The following PDE1C variants were observed in gnomAD, a reference collection of about 807,000 sequenced individuals.
PDE1C encodes the protein phosphodiesterase 1C.
A neutral mutation model predicts 93.1 loss-of-function variants in PDE1C; 62 were observed. That is an observed-to-expected ratio of 0.67 (90% CI 0.54 to 0.82). The LOEUF (loss-of-function observed/expected upper bound fraction) is 0.82. PDE1C is among the 40% of genes least tolerant of loss of function. PDE1C has a pLI of 0.00. For missense variants in PDE1C, 742 were observed against 884.6 expected (o/e 0.84, Z 2.04); for synonymous variants, 325 against 310.1 (o/e 1.05, Z -0.50).
chr7:32,194,759 T>C (rs1232458501), intron 2 of PDE1C, among the ~76,000 whole-genome samples: 1 of 152,226 alleles, frequency 6.6e-6, no homozygotes, highest in Non-Finnish European at 1.5e-5. Flanking sequence ...ATTTAGACCA[T>C]TTACATTTAA....
chr7:32,332,251 A>G (rs1043674065), intron 1 of PDE1C, among the ~76,000 whole-genome samples: 4 of 152,176 alleles, frequency 2.6e-5, no homozygotes, highest in African/African-American at 9.7e-5. Context: ...AAAAAATAAA[A>G]ATCAATTGCC....
intron 2 of PDE1C, among the ~76,000 whole-genome samples, chr7:31,916,176 T>C (rs1391230981): frequency 3.9e-5 from 6 of 152,144 alleles, no homozygotes; most frequent in African/African-American, 1.4e-4. Context: ...GGGGGTATCA[T>C]GTACTGAACC....
At chr7:32,300,801 T>C (rs1231786147), upstream of PDE1C, among the ~76,000 whole-genome samples, 1 of 152,188 alleles carries the variant, frequency 6.6e-6, no homozygotes, top group Admixed American at 6.5e-5. Flanking sequence ...ACATTTTATA[T>C]ATAATATATT....
intron 1 of PDE1C, among the ~76,000 whole-genome samples, chr7:32,335,448 C>A (rs887584645): frequency 1.7e-4 from 26 of 152,232 alleles, no homozygotes; most frequent in Admixed American, 1.7e-3. Flanking sequence ...GTACCACAGA[C>A]TGAGTGGCTT....
At chr7:32,092,575 A>C (rs1040952350) in intron 3 of PDE1C, among the ~76,000 whole-genome samples, 1 of 152,172 alleles carries the variant, frequency 6.6e-6, no homozygotes, top group African/African-American at 2.4e-5. Context: ...CTCTGAACAC[A>C]ATCAAGAGTG....
At chr7:31,732,164 CCTT>C in the PDE1C span, among the ~76,000 whole-genome samples, 1 of 152,320 alleles carries the variant, frequency 6.6e-6, no homozygotes, top group South Asian at 2.1e-4. Flanking sequence ...GAAAGCTCTT[CCTT>C]CTTCCAATCT....
At chr7:32,022,559 G>A (rs994016159) in intron 2 of PDE1C, among the ~76,000 whole-genome samples, 4 of 151,880 alleles carry the variant, frequency 2.6e-5, no homozygotes, top group Admixed American at 6.6e-5. Flanking sequence ...AGGTGGTATC[G>A]GGCCCCTTTA....
At chr7:32,047,883 CTA>C (rs1202433467) in intron 2 of PDE1C, among the ~76,000 whole-genome samples, 1 of 152,142 alleles carries the variant, frequency 6.6e-6, no homozygotes, top group Non-Finnish European at 1.5e-5. Flanking sequence ...CTTAGTTTTC[CTA>C]TATTAAGCCA....
chr7:31,809,144 G>C (rs763652594), intron 15 of PDE1C, 36 bp from the exon 16 acceptor site: 1 of 1,119,394 alleles, frequency 8.9e-7, no homozygotes, highest in South Asian at 1.3e-5. Context: ...GTATATGTAT[G>C]CAGCTGAGGG....
chr7:32,337,862 G>A (rs215663), intron 1 of PDE1C, among the ~76,000 whole-genome samples: 145,111 of 152,192 alleles, frequency 0.95, 69,369 homozygotes, highest in East Asian at 1. Flanking sequence ...GAGGAGCCAC[G>A]GAGCAAGCAA....
chr7:31,797,904 C>T (rs974889230), intron 16 of PDE1C, among the ~76,000 whole-genome samples: 2 of 151,630 alleles, frequency 1.3e-5, no homozygotes, highest in East Asian at 3.9e-4. Context: ...AAAAAACAGG[C>T]AAGAAAAGGG....
the PDE1C span, among the ~76,000 whole-genome samples, chr7:31,714,347 G>C: frequency 1.3e-5 from 2 of 152,098 alleles, no homozygotes; most frequent in Non-Finnish European, 2.9e-5. Flanking sequence ...CCTTGGACTG[G>C]ATTTCATTGT....
chr7:32,332,550 A>C (rs1783537484), intron 1 of PDE1C, among the ~76,000 whole-genome samples: 1 of 152,166 alleles, frequency 6.6e-6, no homozygotes, highest in African/African-American at 2.4e-5. Context: ...ATCCAACAGA[A>C]ATATGTACAC....
intron 15 of PDE1C, among the ~76,000 whole-genome samples, chr7:31,814,101 CAT>C (rs1454910639): frequency 1.5e-4 from 23 of 151,166 alleles, no homozygotes; most frequent in Non-Finnish European, 2.5e-4. Context: ...CACACACACA[CAT>C]ATATCACAAT....
intron 1 of PDE1C, among the ~76,000 whole-genome samples, chr7:32,307,362 A>C (rs7778788): frequency 0.22 from 33,193 of 152,038 alleles, 3,763 homozygotes; most frequent in African/African-American, 0.25. Flanking sequence ...AAGAGAAAAA[A>C]GGTGGAAGAC....
chr7:32,170,562 G>C lies in PDE1C; in HGVS notation c.137-606C>G, dbSNP rs1802580386. ...TCAAGATCAAACTCAACAGTGAGAA[G>C]TTGTGTTGATAGTGTGTGCCCTTGA... On this transcript the variant is annotated intron_variant, in intron 2 of 18. Coordinates refer to the PDE1C transcript ENST00000396193. 1.3e-5 allele frequency among the ~76,000 whole-genome samples: 2 copies of C among 152,216 alleles called. 1 individual carries two copies. The highest frequency in any genetic ancestry group is 1.3e-4 in the Admixed American group (2 of 15,290).
At chr7:32,044,032 T>A (rs1212152793) in intron 2 of PDE1C, among the ~76,000 whole-genome samples, 2 of 152,184 alleles carry the variant, frequency 1.3e-5, no homozygotes, top group Non-Finnish European at 1.5e-5. Context: ...TCAATGCACA[T>A]TTAATAAAGA....
chr7:31,912,698 A>C (rs1275220845), intron 2 of PDE1C, among the ~76,000 whole-genome samples: 1 of 151,958 alleles, frequency 6.6e-6, no homozygotes, highest in Non-Finnish European at 1.5e-5. Flanking sequence ...AAAAATATAT[A>C]TATATAAAAT....
rs551660766 is a variant in PDE1C, at chr7:32,027,607, T to TAAAAAAAAAAAA, written c.128+23935_128+23946dup. Among the ~76,000 whole-genome samples, 19 of 78,492 alleles carry TAAAAAAAAAAAA rather than the reference T, an allele frequency of 2.4e-4. 1 individual carries two copies. Among genetic ancestry groups the TAAAAAAAAAAAA allele is most frequent in the African/African-American group, 3.7e-4 (6 of 16,390 alleles). The allele number at this position is 78,492 out of a possible 152,430, so 51.5% of individuals were successfully genotyped here. A position where few individuals can be genotyped will look rare whatever the true frequency, so the allele number is the denominator to read the frequency against. On this transcript the variant is annotated intron_variant, in intron 2 of 17. Transcript: ENST00000396191. Reference sequence around the variant, plus strand: ...AAAAAAAAAAAACTATCAAAAATGGTAAAAAAAAAAAAAAAAAAAAAAAAA... The same window carrying TAAAAAAAAAAAA: ...AAAAAAAAAAAACTATCAAAAATGGTAAAAAAAAAAAAAAAAAAAAAAAAAAAAAAAAAAAAA...
Sources: allele counts gnomAD v4.1 joint callset (sites outside exome capture counted in the v4.1 genomes callset), GRCh38; gene constraint gnomAD v4.1.1; transcripts MANE v1.5; gene names NCBI Gene and HGNC (gene_info 2026-07-23, HGNC 2026-07-21).